The following ATP8A2 variants were observed in gnomAD, a reference collection of about 807,000 sequenced individuals.
ATP8A2 encodes ATPase phospholipid transporting 8A2, also known as phospholipid-transporting ATPase IB.
Under a neutral mutation model 165.6 loss-of-function variants are expected in ATP8A2, and 100 were observed. The observed-to-expected ratio is 0.60, with a 90% CI of 0.51 to 0.71. The LOEUF is 0.71. Among genes scored for constraint, ATP8A2 ranks in the 30% least tolerant of loss-of-function variants. The pLI, the probability that ATP8A2 is intolerant of heterozygous loss-of-function variation, is 0.00. For synonymous variants in ATP8A2, 543 were observed against 548.8 expected, an observed-to-expected ratio of 0.99 and a Z score of 0.15; for missense variants, 1,227 against 1,479.5, an observed-to-expected ratio of 0.83 and a Z score of 2.80.
At chr13:25,571,540 A>G in intron 17 of ATP8A2, 70 bp from the exon 18 acceptor site, 1 of 1,183,388 alleles carries the variant, frequency 8.5e-7, no homozygotes, top group Non-Finnish European at 1.2e-6. Context: ...GTTAATTTGA[A>G]AAGTGACACT....
intron 13 of ATP8A2, among the ~76,000 whole-genome samples, chr13:25,557,081 C>T (rs1381072555): frequency 6.6e-6 from 1 of 152,076 alleles, no homozygotes; most frequent in Non-Finnish European, 1.5e-5. Flanking sequence ...AATTTGTAGA[C>T]TAAAATAGAC....
intron 33 of ATP8A2, among the ~76,000 whole-genome samples, chr13:25,951,988 G>A (rs1297775799): frequency 1.3e-5 from 2 of 152,186 alleles, no homozygotes; most frequent in African/African-American, 4.8e-5. Flanking sequence ...TCTCCTTTGT[G>A]CAGGTGTCCT....
intron 1 of ATP8A2, among the ~76,000 whole-genome samples, chr13:25,410,184 G>T (rs1388063071): frequency 6.6e-6 from 1 of 151,878 alleles, no homozygotes; most frequent in Non-Finnish European, 1.5e-5. Flanking sequence ...AAGTGTAAAA[G>T]AATTTATGTA....
chr13:25,432,693 A>G (rs1195831323), intron 1 of ATP8A2, among the ~76,000 whole-genome samples: 3 of 151,546 alleles, frequency 2.0e-5, no homozygotes, highest in East Asian at 1.9e-4. Flanking sequence ...TGATACAACC[A>G]TGTTTATAAC....
At chr13:25,998,693 G>A (rs977058743) in intron 35 of ATP8A2, among the ~76,000 whole-genome samples, 1 of 152,156 alleles carries the variant, frequency 6.6e-6, no homozygotes. Context: ...TTTATTATTA[G>A]AGGAAAGTTG....
intron 20 of ATP8A2, among the ~76,000 whole-genome samples, chr13:25,577,780 A>G (rs1246140929): frequency 6.6e-6 from 1 of 152,196 alleles, no homozygotes; most frequent in African/African-American, 2.4e-5. Flanking sequence ...GGAAAGAATT[A>G]TTAAACTTAT....
Position 25,495,025 on chromosome 13 carries a change from T to C in ATP8A2, c.221+25904T>C, listed in dbSNP as rs112843944. Among the ~76,000 whole-genome samples the C allele has an allele frequency of 4.6e-5, 7 of 152,322 alleles. 1 individual carries two copies. The highest frequency in any genetic ancestry group is 2.6e-4 in the Admixed American group (4 of 15,300). ...TGTCTGAATTAGGTGTCTCCGCAGA[T>C]TTCCCTGTGGCCAGCTACCTCCCAA... is the stretch of plus-strand genomic sequence containing the variant. On this transcript the variant is annotated intron_variant, in intron 2 of 36. Coordinates refer to ENST00000381655, the MANE Select transcript of ATP8A2 (RefSeq NM_016529.6).
intron 1 of ATP8A2, among the ~76,000 whole-genome samples, chr13:25,385,532 ATTG>A (rs1343305771): frequency 6.6e-6 from 1 of 152,324 alleles, no homozygotes; most frequent in African/African-American, 2.4e-5. Context: ...TAAAAAAGAC[ATTG>A]TTATTATTTT....
chr13:25,824,153 T>A (rs1411576488), intron 27 of ATP8A2, among the ~76,000 whole-genome samples: 1 of 152,166 alleles, frequency 6.6e-6, no homozygotes, highest in East Asian at 1.9e-4. Flanking sequence ...GTATTTTTAG[T>A]AGACATGGGT....
At chr13:25,944,244 C>T (rs906942791) in intron 33 of ATP8A2, among the ~76,000 whole-genome samples, 4 of 152,242 alleles carry the variant, frequency 2.6e-5, no homozygotes, top group East Asian at 3.9e-4. Flanking sequence ...GGGTGGCTCA[C>T]GCCCATAATC....
intron 22 of ATP8A2, among the ~76,000 whole-genome samples, chr13:25,581,600 G>T (rs1369013330): frequency 2.0e-5 from 3 of 152,156 alleles, no homozygotes; most frequent in African/African-American, 4.8e-5. Flanking sequence ...CAAGAAATCA[G>T]TGATGAGTAC....
chr13:25,561,766 A>T (rs2039163254), intron 15 of ATP8A2, among the ~76,000 whole-genome samples: 1 of 152,228 alleles, frequency 6.6e-6, no homozygotes, highest in Non-Finnish European at 1.5e-5. Context: ...CTATTAAACA[A>T]AAATTCTTCA....
At position 26,020,124 on chromosome 13, in the gene ATP8A2, TGTTA is replaced by T. The variant is rs1254523143; in HGVS notation, c.*144_*147del. 3.0e-6 allele frequency: 2 copies of T among 663,974 alleles called. No homozygotes were observed. Among genetic ancestry groups the T allele is most frequent in the Non-Finnish European group, 5.2e-6 (2 of 382,588 alleles). The allele number at this position is 663,974 out of a possible 1,614,324, so 41.1% of individuals were successfully genotyped here. On this transcript the variant is annotated 3_prime_UTR_variant, in exon 37 of 37. Transcript: ENST00000381655. ...TTTCTGTGGCCTTAGCCAAGCAGTT[TGTTA>T]GTTACATATTCCCTCGCAAACCTGG...
chr13:25,630,340 T>G (rs1249904616), intron 24 of ATP8A2, among the ~76,000 whole-genome samples: 1 of 152,154 alleles, frequency 6.6e-6, no homozygotes, highest in African/African-American at 2.4e-5. Flanking sequence ...TTGTTGCGTG[T>G]GTCCAGGAGA....
intron 25 of ATP8A2, among the ~76,000 whole-genome samples, chr13:25,737,947 G>A (rs1370770218): frequency 3.9e-5 from 6 of 152,132 alleles, no homozygotes; most frequent in African/African-American, 1.2e-4. Context: ...GCCTCCCAAA[G>A]TGCTGGGATT....
rs560962656 is a variant in ATP8A2 at position 25,436,326 on chromosome 13, A to G, written c.77-32651A>G. 3.3e-5 allele frequency among the ~76,000 whole-genome samples: 5 copies of G among 152,084 alleles called. No homozygotes were observed. The East Asian group carries it at 7.7e-4, about 24-fold the overall frequency. On this transcript the variant is annotated intron_variant, in intron 1 of 36. Transcript: ENST00000381655. ...CCATCTTTATGTCCACGTGTACTCA[A>G]TGTTTAGCTCTCCCTTACAAATGAG...
At chr13:25,503,215 T>A (rs1414677723) in intron 2 of ATP8A2, among the ~76,000 whole-genome samples, 1 of 152,212 alleles carries the variant, frequency 6.6e-6, no homozygotes, top group Admixed American at 6.5e-5. Flanking sequence ...AGTTGGTGAC[T>A]GCTGGTTGCC....
chr13:25,549,982 C>T (rs1238050481), intron 10 of ATP8A2, among the ~76,000 whole-genome samples: 1 of 152,086 alleles, frequency 6.6e-6, no homozygotes, highest in African/African-American at 2.4e-5. Flanking sequence ...AATTTAATCC[C>T]ATCCGCAAAG....
chr13:25,939,353 T>C (rs1244091724), intron 33 of ATP8A2, among the ~76,000 whole-genome samples: 2 of 152,222 alleles, frequency 1.3e-5, no homozygotes, highest in Non-Finnish European at 2.9e-5. Flanking sequence ...TGGTTGATTT[T>C]TGTAAACATT....
Sources: allele counts gnomAD v4.1 joint callset (sites outside exome capture counted in the v4.1 genomes callset), GRCh38; gene constraint gnomAD v4.1.1; transcripts MANE v1.5; gene names NCBI Gene and HGNC (gene_info 2026-07-23, HGNC 2026-07-21).